Variants in NCAM2 observed in about 807,000 individuals in gnomAD.
The protein encoded by NCAM2 is neural cell adhesion molecule 2.
A neutral mutation model predicts 98.1 loss-of-function variants in NCAM2; 30 were observed. That is an observed-to-expected ratio of 0.31 (90% CI 0.23 to 0.41). The LOEUF is 0.41. Ranked by LOEUF, NCAM2 falls within the 10% of genes least tolerant of loss-of-function variation. NCAM2 has a pLI of 1.00. For missense variants in NCAM2, 867 were observed against 1,005.8 expected (o/e 0.86, Z 1.87); for synonymous variants, 368 against 342.4 (o/e 1.07, Z -0.83).
At chr21:21,241,373 G>A (rs1327055092) in intron 1 of NCAM2, among the ~76,000 whole-genome samples, 2 of 151,954 alleles carry the variant, frequency 1.3e-5, no homozygotes, top group South Asian at 2.1e-4. Flanking sequence ...AGTTTATATA[G>A]GCTGGGTCTT....
At chr21:21,170,987 A>C (rs1164635631) in intron 1 of NCAM2, among the ~76,000 whole-genome samples, 1 of 152,144 alleles carries the variant, frequency 6.6e-6, no homozygotes, top group East Asian at 1.9e-4. Flanking sequence ...TCTGCCTTTC[A>C]TTTAAAGGGT....
chr21:21,161,059 T>C (rs1225019260), intron 1 of NCAM2, among the ~76,000 whole-genome samples: 1 of 151,998 alleles, frequency 6.6e-6, no homozygotes, highest in Non-Finnish European at 1.5e-5. Context: ...TATGTTTAGG[T>C]TTCCTGTTGC....
chr21:21,038,931 A>G (rs2064850002), intron 1 of NCAM2, among the ~76,000 whole-genome samples: 1 of 152,188 alleles, frequency 6.6e-6, no homozygotes, highest in African/African-American at 2.4e-5. Context: ...GTATAATCTT[A>G]GAATTGTAAC....
chr21:21,208,536 A>T lies in NCAM2; in HGVS notation c.56-72042A>T, dbSNP rs1883165814. On this transcript the variant is annotated intron_variant, in intron 1 of 17. Transcript: ENST00000400546. ...CTTGGGTAAAAGACAGCATCTTTTTATTTTAGCTTCTTTATGGTAAAATAT... is the reference window on the plus strand; with the variant it reads ...CTTGGGTAAAAGACAGCATCTTTTTTTTTTAGCTTCTTTATGGTAAAATAT... 1.3e-5 allele frequency among the ~76,000 whole-genome samples: 2 copies of T among 152,082 alleles called. 1 individual carries two copies. The highest frequency in any genetic ancestry group is 4.1e-4 in the South Asian group (2 of 4,832).
chr21:21,071,258 A>ATC (rs2065556418), intron 1 of NCAM2, among the ~76,000 whole-genome samples: 1 of 152,184 alleles, frequency 6.6e-6, no homozygotes, highest in Admixed American at 6.5e-5. Context: ...AAAGGAAGGA[A>ATC]CATGAGGAAT....
intron 8 of NCAM2, among the ~76,000 whole-genome samples, chr21:21,357,844 T>C (rs546884286): frequency 6.6e-6 from 1 of 152,016 alleles, no homozygotes; most frequent in East Asian, 1.9e-4. Flanking sequence ...AAGAGATAAG[T>C]TTAATATAAA....
chr21:21,437,006 C>T (rs1978450294), intron 12 of NCAM2, among the ~76,000 whole-genome samples: 1 of 151,824 alleles, frequency 6.6e-6, no homozygotes, highest in Admixed American at 6.6e-5. Context: ...AACTCCTGAG[C>T]TCAGGCAATC....
At chr21:21,123,192 G>A (rs2066711439) in intron 1 of NCAM2, among the ~76,000 whole-genome samples, 2 of 151,886 alleles carry the variant, frequency 1.3e-5, no homozygotes, top group Admixed American at 6.6e-5. Context: ...TCAGCAGGTC[G>A]AGACCATCCT....
intron 1 of NCAM2, among the ~76,000 whole-genome samples, chr21:21,235,608 A>C (rs1208079270): frequency 6.6e-6 from 1 of 152,100 alleles, no homozygotes; most frequent in Non-Finnish European, 1.5e-5. Context: ...TGAATATAAC[A>C]GAAAATTGAA....
intron 1 of NCAM2, among the ~76,000 whole-genome samples, chr21:21,097,651 G>A (rs868753831): frequency 4.6e-5 from 7 of 151,536 alleles, no homozygotes; most frequent in African/African-American, 1.7e-4. Context: ...AAACAAGCTG[G>A]CTGTTTCAGA....
intron 1 of NCAM2, among the ~76,000 whole-genome samples, chr21:21,076,925 G>GC (rs1316470213): frequency 6.6e-6 from 1 of 152,138 alleles, no homozygotes; most frequent in African/African-American, 2.4e-5. Context: ...CATTGACATA[G>GC]AGTCTGAGGT....
chr21:21,385,776 A>T (rs918942686), intron 9 of NCAM2: 4 of 419,258 alleles, frequency 9.5e-6, no homozygotes, highest in Non-Finnish European at 1.3e-5. Context: ...GTTTGATTAC[A>T]ATTAGAATAT....
chr21:21,085,522 G>A (rs77253855), intron 1 of NCAM2, among the ~76,000 whole-genome samples: 7,871 of 152,124 alleles, frequency 0.052, 238 homozygotes, highest in East Asian at 0.15. Flanking sequence ...GGGCTCATGA[G>A]CCAAAGGCTG....
At chr21:21,009,740 C>A (rs2064172854) in intron 1 of NCAM2, among the ~76,000 whole-genome samples, 1 of 151,816 alleles carries the variant, frequency 6.6e-6, no homozygotes, top group South Asian at 2.1e-4. Flanking sequence ...TTATTGGAAA[C>A]CAATTCTGAA....
At chr21:21,142,365 GTT>G (rs67457148) in intron 1 of NCAM2, among the ~76,000 whole-genome samples, 4 of 120,528 alleles carry the variant, frequency 3.3e-5, no homozygotes, top group Non-Finnish European at 5.0e-5. Context: ...TTATTTGACC[GTT>G]TTTTTTTATG....
intron 1 of NCAM2, among the ~76,000 whole-genome samples, chr21:21,152,511 G>GA (rs2146717144): frequency 6.6e-6 from 1 of 152,026 alleles, no homozygotes; most frequent in East Asian, 1.9e-4. Context: ...CTTTAAAGCA[G>GA]ATTGTATTAC....
At chr21:21,265,137 A>T (rs1400289257) in intron 1 of NCAM2, among the ~76,000 whole-genome samples, 2 of 119,384 alleles carry the variant, frequency 1.7e-5, no homozygotes, top group Non-Finnish European at 3.3e-5. Flanking sequence ...ATATATACAT[A>T]TATAATATAT....
intron 1 of NCAM2, among the ~76,000 whole-genome samples, chr21:21,134,887 A>G (rs2067010960): frequency 6.6e-6 from 1 of 151,494 alleles, no homozygotes; most frequent in Non-Finnish European, 1.5e-5. Flanking sequence ...CTATTTTTTT[A>G]TTTTTATTTT....
At chr21:21,526,183 A>G (rs146361418) in intron 16 of NCAM2, among the ~76,000 whole-genome samples, 2 of 152,082 alleles carry the variant, frequency 1.3e-5, no homozygotes, top group Non-Finnish European at 1.5e-5. Context: ...GAAGGAAGAA[A>G]TAAAACTCTC....
Sources: gnomAD v4.1 joint callset for allele counts (sites outside exome capture counted in the v4.1 genomes callset) on GRCh38, gnomAD v4.1.1 for gene constraint, MANE v1.5 for transcripts, NCBI Gene and HGNC (gene_info 2026-07-23, HGNC 2026-07-21) for gene names.